Variants in CCSER1 observed in about 807,000 individuals in gnomAD.
CCSER1 encodes serine-rich coiled-coil domain-containing protein 1.
CCSER1 carries 41 observed loss-of-function variants against 82.0 expected under a neutral mutation model. That is an observed-to-expected ratio of 0.50 (90% confidence interval 0.39 to 0.65). The LOEUF is 0.65. CCSER1 is among the 30% of genes least tolerant of loss of function. CCSER1 has a pLI of 0.00. For missense variants in CCSER1, 1,119 were observed against 1,064.2 expected (o/e 1.05, Z -0.72); for synonymous variants, 414 against 383.9 (o/e 1.08, Z -0.92).
chr4:90,831,974 C>T (rs1010139545), intron 8 of CCSER1, among the ~76,000 whole-genome samples: 3 of 151,944 alleles, frequency 2.0e-5, no homozygotes, highest in Non-Finnish European at 2.9e-5. Context: ...TTGTATATCA[C>T]ATATATCTTA....
intron 6 of CCSER1, among the ~76,000 whole-genome samples, chr4:90,644,094 T>C (rs1029251139): frequency 6.6e-6 from 1 of 152,162 alleles, no homozygotes; most frequent in Non-Finnish European, 1.5e-5. Flanking sequence ...TTGCAGAGAT[T>C]CTTTTGCTAG....
chr4:91,305,810 C>T (rs552913026), intron 10 of CCSER1, among the ~76,000 whole-genome samples: 10 of 151,786 alleles, frequency 6.6e-5, no homozygotes, highest in African/African-American at 9.7e-5. Context: ...TGGCAGAAGG[C>T]GAAGGAGGAG....
intron 8 of CCSER1, among the ~76,000 whole-genome samples, chr4:90,827,447 A>G (rs1204472783): frequency 1.3e-5 from 2 of 152,198 alleles, no homozygotes; most frequent in Admixed American, 1.3e-4. Flanking sequence ...TAGCTATGCT[A>G]TACAGGCATT....
intron 1 of CCSER1, among the ~76,000 whole-genome samples, chr4:90,264,709 G>T (rs1436038967): frequency 6.6e-6 from 1 of 151,596 alleles, no homozygotes; most frequent in Admixed American, 6.6e-5. Flanking sequence ...ATCCTGGATG[G>T]TTGAGTTTGC....
intron 10 of CCSER1, among the ~76,000 whole-genome samples, chr4:91,232,095 A>G (rs1738670813): frequency 1.3e-5 from 2 of 151,818 alleles, no homozygotes; most frequent in African/African-American, 4.8e-5. Flanking sequence ...ATAATTTACT[A>G]TTTTGGCAAG....
chr4:91,212,521 T>C (rs1291207878), intron 10 of CCSER1, among the ~76,000 whole-genome samples: 7 of 152,050 alleles, frequency 4.6e-5, no homozygotes, highest in Non-Finnish European at 1.0e-4. Context: ...CACCTGTGTC[T>C]GGGAATTCAA....
intron 8 of CCSER1, among the ~76,000 whole-genome samples, chr4:90,827,806 T>TA (rs1380409584): frequency 6.6e-6 from 1 of 152,134 alleles, no homozygotes; most frequent in Non-Finnish European, 1.5e-5. Flanking sequence ...GGCAGATTAA[T>TA]AGGAGAATAG....
chr4:90,559,322 T>A (rs1327801799), intron 5 of CCSER1, among the ~76,000 whole-genome samples: 8 of 152,250 alleles, frequency 5.3e-5, no homozygotes, highest in African/African-American at 1.9e-4. Context: ...GATCACCATC[T>A]GTGGTGTAGA....
intron 1 of CCSER1, among the ~76,000 whole-genome samples, chr4:90,273,487 A>G (rs907464929): frequency 2.0e-5 from 3 of 152,172 alleles, no homozygotes; most frequent in African/African-American, 7.2e-5. Flanking sequence ...TATACCTACT[A>G]TGTACCCACA....
intron 5 of CCSER1, among the ~76,000 whole-genome samples, chr4:90,554,688 TA>T (rs1234675853): frequency 3.3e-5 from 5 of 152,212 alleles, no homozygotes; most frequent in African/African-American, 1.2e-4. Flanking sequence ...AGGAAGTCTT[TA>T]AATGCATGCC....
rs1007235761 is a variant in CCSER1, at chr4:91,486,111, TTTC to T, written c.2218-112458_2218-112456del. ...ATTTTCCACTGGACTTTCCTAGCAA[TTTC>T]TTATTAAAATTTTAAGAATGTATGT... On this transcript the variant is annotated intron_variant, in intron 10 of 10. Transcript: ENST00000509176. Among the ~76,000 whole-genome samples, 64 of 152,048 alleles carry T rather than the reference TTTC, an allele frequency of 4.2e-4. 1 individual carries two copies. Among genetic ancestry groups the T allele is most frequent in the African/African-American group, 1.4e-3 (60 of 41,572 alleles).
chr4:91,595,278 A>G (rs898195017), intron 10 of CCSER1, among the ~76,000 whole-genome samples: 13 of 152,112 alleles, frequency 8.5e-5, no homozygotes, highest in African/African-American at 2.4e-4. Context: ...TGCTTTCTTC[A>G]TTCTCTATAG....
chr4:90,269,905 A>G (rs1578859424), intron 1 of CCSER1, among the ~76,000 whole-genome samples: 1 of 152,218 alleles, frequency 6.6e-6, no homozygotes, highest in Middle Eastern at 3.4e-3. Flanking sequence ...CTATATGCTT[A>G]TAAATTGGAA....
At chr4:91,226,365 G>C (rs1738205500) in intron 10 of CCSER1, among the ~76,000 whole-genome samples, 1 of 151,828 alleles carries the variant, frequency 6.6e-6, no homozygotes, top group Non-Finnish European at 1.5e-5. Flanking sequence ...GTGCAACACA[G>C]CTATGATAAA....
intron 10 of CCSER1, among the ~76,000 whole-genome samples, chr4:91,187,574 G>A (rs567226123): frequency 7.9e-5 from 12 of 151,286 alleles, no homozygotes; most frequent in Admixed American, 1.3e-4. Context: ...TTTTTGAGAC[G>A]GAGTTTTGCT....
intron 5 of CCSER1, among the ~76,000 whole-genome samples, chr4:90,551,580 A>G (rs1373962490): frequency 6.6e-6 from 1 of 151,362 alleles, no homozygotes; most frequent in Non-Finnish European, 1.5e-5. Flanking sequence ...ATAGCCCCCA[A>G]ATACAATGGG....
intron 10 of CCSER1, among the ~76,000 whole-genome samples, chr4:91,115,616 G>A (rs1224989251): frequency 1.3e-5 from 2 of 151,924 alleles, no homozygotes; most frequent in Non-Finnish European, 2.9e-5. Context: ...CTAGAGAAAT[G>A]TTCTCTGTTA....
intron 10 of CCSER1, among the ~76,000 whole-genome samples, chr4:91,444,310 G>T (rs1018575510): frequency 1.3e-5 from 2 of 152,096 alleles, no homozygotes; most frequent in Non-Finnish European, 2.9e-5. Flanking sequence ...CATATTCTTT[G>T]ATATAAACTT....
intron 10 of CCSER1, among the ~76,000 whole-genome samples, chr4:91,425,737 T>G (rs1323970754): frequency 6.6e-6 from 1 of 152,132 alleles, no homozygotes; most frequent in Non-Finnish European, 1.5e-5. Context: ...GAGAGGGAAA[T>G]GTGGAGTTGC....
Sources: gnomAD v4.1 joint callset for allele counts (sites outside exome capture counted in the v4.1 genomes callset) on GRCh38, gnomAD v4.1.1 for gene constraint, MANE v1.5 for transcripts, NCBI Gene and HGNC (gene_info 2026-07-23, HGNC 2026-07-21) for gene names.